The following GTF3C5 variants were observed in gnomAD, a reference collection of about 807,000 sequenced individuals.
GTF3C5 encodes general transcription factor IIIC subunit 5.
A neutral mutation model predicts 61.0 loss-of-function variants in GTF3C5; 47 were observed. That is an observed-to-expected ratio of 0.77 (90% CI 0.61 to 0.98). GTF3C5 has a LOEUF of 0.98. Among genes scored for constraint, GTF3C5 ranks in the 50% least tolerant of loss-of-function variants. The probability of loss-of-function intolerance (pLI) is 0.00; values close to 1 mark genes in which losing one functional copy is unlikely to be tolerated. For missense variants in GTF3C5, 659 were observed against 703.3 expected, an observed-to-expected ratio of 0.94 and a Z score of 0.71; for synonymous variants, 295 against 275.4, an observed-to-expected ratio of 1.07 and a Z score of -0.71.
At chr9:133,053,332 C>T (rs1405497039) in intron 5 of GTF3C5, among the ~76,000 whole-genome samples, 1 of 152,204 alleles carries the variant, frequency 6.6e-6, no homozygotes, top group Non-Finnish European at 1.5e-5. Flanking sequence ...CTCCTAGAAT[C>T]CCGGTACTTC....
At chr9:133,035,772 C>T (rs960860318) in intron 1 of GTF3C5, among the ~76,000 whole-genome samples, 15 of 152,146 alleles carry the variant, frequency 9.9e-5, no homozygotes, top group African/African-American at 3.6e-4. Context: ...ACAAGAAAGA[C>T]CTTTCTGGTG....
At chr9:133,051,394 A>T (rs1850370330) in intron 4 of GTF3C5, among the ~76,000 whole-genome samples, 1 of 152,118 alleles carries the variant, frequency 6.6e-6, no homozygotes, top group Admixed American at 6.5e-5. Flanking sequence ...GGTGCCGTGG[A>T]GTCCTGCGTC....
Position 133,043,875 on chromosome 9 carries a change from C to T in GTF3C5, c.521C>T (p.Ser174Phe). 1 of 1,614,164 alleles carries T rather than the reference C, an allele frequency of 6.2e-7. No individual in the cohort carries two copies. The change falls in exon 3 of 11, where the codon TCC becomes TTC. Residue 174 changes from serine to phenylalanine, a missense_variant. Ser to Phe is a radical substitution (Grantham distance 155). Coordinates refer to ENST00000372097, the MANE Select transcript of GTF3C5 (RefSeq NM_012087.4). ...CTCTACATCCCCCCACCCATCTTCT[C>T]CCGGCTGGACGCCCCGGTGGACTAC... ...LPLYIPPPIF[S>F]RLDAPVDYFY...
In GTF3C5 at chr9:133,056,062, G is replaced by A; in HGVS notation, c.1218G>A (p.Met406Ile). The change falls in exon 9 of 11, where the codon ATG becomes ATA. Residue 406 changes from methionine (M) to isoleucine (I), a missense_variant. Met to Ile is a conservative substitution (Grantham distance 10). Transcript: ENST00000372097. ...GGGCCTTGCCACCCTATCGGCAGAT[G>A]TTCTACCAGTTATGCGACTTGAATG... ...REGALPPYRQ[M>I]FYQLCDLNVE... 6.2e-7 allele frequency: 1 copy of A among 1,614,122 alleles called. No homozygotes were observed. The highest frequency in any genetic ancestry group is 1.3e-5 in the African/African-American group (1 of 75,054).
chr9:133,034,944 C>A (rs1188968991), intron 1 of GTF3C5, among the ~76,000 whole-genome samples: 2 of 152,138 alleles, frequency 1.3e-5, no homozygotes, highest in African/African-American at 4.8e-5. Context: ...TCGGATTTTT[C>A]ACAAGGCAAT....
intron 1 of GTF3C5, among the ~76,000 whole-genome samples, chr9:133,041,664 C>T (rs564109363): frequency 5.1e-4 from 77 of 152,244 alleles, no homozygotes; most frequent in Non-Finnish European, 4.3e-4. Flanking sequence ...AGTGGTCCCC[C>T]GGGCCCAGCT....
In GTF3C5 at chr9:133,057,890, T is replaced by TGAGGAGGAGGAG. The variant is rs759048355; in HGVS notation, c.1473_1484dup (p.Glu496_Glu499dup). 6.2e-7 allele frequency: 1 copy of TGAGGAGGAGGAG among 1,612,546 alleles called. No individual in the cohort carries two copies. Among genetic ancestry groups the TGAGGAGGAGGAG allele is most frequent in the East Asian group, 2.2e-5 (1 of 44,828 alleles). On this transcript the variant is annotated inframe_insertion, in exon 11 of 11. Coordinates refer to ENST00000372097, the MANE Select transcript of GTF3C5 (RefSeq NM_012087.4). ...ACGAGTCTGGGGAAGACGAGGAGGA[T>TGAGGAGGAGGAG]GAGGAGGAGGAGGAAGAGGAGGAGG...
intron 1 of GTF3C5, among the ~76,000 whole-genome samples, chr9:133,032,368 C>G (rs1849756676): frequency 6.6e-6 from 1 of 151,942 alleles, no homozygotes; most frequent in Non-Finnish European, 1.5e-5. Context: ...AGTGACGGGA[C>G]GAGCGATTTC....
At chr9:133,047,247 C>T (rs1277885647) in intron 3 of GTF3C5, among the ~76,000 whole-genome samples, 1 of 152,184 alleles carries the variant, frequency 6.6e-6, no homozygotes, top group Non-Finnish European at 1.5e-5. Flanking sequence ...GTCTCAAAAG[C>T]CACTCAGGAG....
chr9:133,038,965 G>T (rs689266), intron 1 of GTF3C5, among the ~76,000 whole-genome samples: 39,881 of 152,120 alleles, frequency 0.26, 6,363 homozygotes, highest in Non-Finnish European at 0.34. Context: ...AGGTAGTGAT[G>T]GTTGACATCT....
chr9:133,055,930 G>A (rs778086031), intron 8 of GTF3C5, 82 bp from the exon 9 acceptor site: 23 of 1,588,068 alleles, frequency 1.4e-5, no homozygotes, highest in Non-Finnish European at 1.8e-5. Context: ...GAGACCCCAT[G>A]GGAGCCTACA....
At chr9:133,033,940 C>T (rs1256495407) in intron 1 of GTF3C5, among the ~76,000 whole-genome samples, 4 of 152,068 alleles carry the variant, frequency 2.6e-5, no homozygotes, top group Admixed American at 2.0e-4. Flanking sequence ...TTGGGGAGAG[C>T]GTTGGGTCCC....
At position 133,058,064 on chromosome 9, in the gene GTF3C5, C is replaced by T; in HGVS notation, c.*84C>T. ...AGCCGGGGCTCCCCATTGCCACCCA[C>T]AGTGCCCGGAATGGCCCTAGGAGGC... On this transcript the variant is annotated 3_prime_UTR_variant, in exon 11 of 11. Coordinates refer to ENST00000372097, the MANE Select transcript of GTF3C5 (RefSeq NM_012087.4). 1 of 1,587,146 alleles carries T rather than the reference C, an allele frequency of 6.3e-7. No homozygotes were observed. Among genetic ancestry groups the T allele is most frequent in the African/African-American group, 1.4e-5 (1 of 73,706 alleles).
rs180861635 is a variant in GTF3C5 at position 133,042,846 on chromosome 9, C to G, written c.373+540C>G. Among the ~76,000 whole-genome samples the G allele has an allele frequency of 2.2e-4, 33 of 152,322 alleles. No homozygotes were observed. In the East Asian group the frequency reaches 6.2e-3, roughly 28 times the overall value. ...CTCTGGCATTGTGCCTGCCTGAGCC[C>G]TGCCAGTTTCTTTGGGAGGTGGCTT... is the stretch of plus-strand genomic sequence containing the variant. On this transcript the variant is annotated intron_variant, in intron 2 of 10. Coordinates refer to ENST00000372097, the MANE Select transcript of GTF3C5 (RefSeq NM_012087.4).
At position 133,053,924 on chromosome 9, in the gene GTF3C5, C is replaced by T. The variant is rs938098283; in HGVS notation, c.970C>T (p.Arg324Cys). ...KIYQVLDFRI[R>C]CGMKHGYAPS... ...TTATCAAGTCCTCGATTTCCGAATC[C>T]GTTGTGGAATGAAACACGGTAAAAA... Residue 324 changes from arginine to cysteine, a missense_variant, in exon 6 of 11, where the codon CGT becomes TGT. Transcript: ENST00000372097. The T allele has an allele frequency of 1.2e-6, 2 of 1,608,808 alleles. No homozygotes were observed. Among genetic ancestry groups the T allele is most frequent in the Admixed American group, 1.7e-5 (1 of 59,846 alleles).
Position 133,050,888 on chromosome 9 carries a change from G to A in GTF3C5, c.678G>A (p.Val226=), listed in dbSNP as rs746148388. The A allele has an allele frequency of 3.7e-6, 6 of 1,613,588 alleles. No homozygotes were observed. Among genetic ancestry groups the A allele is most frequent in the Middle Eastern group, 1.7e-4 (1 of 6,060 alleles). Reference sequence around the variant, plus strand: ...TTGTCAACTTTGAGGATGAGGAGGTGCCCAAGCAGCCACTGGAGGCTGCAG... The same window carrying A: ...TTGTCAACTTTGAGGATGAGGAGGTACCCAAGCAGCCACTGGAGGCTGCAG... ...AIFVNFEDEE[V]PKQPLEAAAQ... The change falls in exon 4 of 11, where the codon GTG becomes GTA. Residue 226 remains valine, a synonymous_variant. Coordinates refer to ENST00000372097, the MANE Select transcript of GTF3C5 (RefSeq NM_012087.4).
At chr9:133,034,538 C>T (rs911976820) in intron 1 of GTF3C5, among the ~76,000 whole-genome samples, 1 of 152,106 alleles carries the variant, frequency 6.6e-6, no homozygotes, top group Non-Finnish European at 1.5e-5. Flanking sequence ...GGGTGGGTCC[C>T]GGGGTGACAG....
chr9:133,056,131 C>G (rs1247673462), intron 9 of GTF3C5, 37 bp downstream of exon 9: 1 of 1,570,162 alleles, frequency 6.4e-7, no homozygotes. Flanking sequence ...CTGAGGGGGG[C>G]CCGTGGGACC....
chr9:133,038,526 C>CTGTA (rs1403010060), intron 1 of GTF3C5, among the ~76,000 whole-genome samples: 5 of 150,564 alleles, frequency 3.3e-5, no homozygotes, highest in African/African-American at 1.2e-4. Flanking sequence ...TCTCGGCTCA[C>CTGTA]TGTAACCTCC....
Sources: gnomAD v4.1 joint callset for allele counts (sites outside exome capture counted in the v4.1 genomes callset) on GRCh38, gnomAD v4.1.1 for gene constraint, MANE v1.5 for transcripts, NCBI Gene and HGNC (gene_info 2026-07-23, HGNC 2026-07-21) for gene names.